RNF212B: variants seen among roughly 807,000 people sequenced by gnomAD.
RNF212B encodes ring finger protein 212B.
A neutral mutation model predicts 55.5 loss-of-function variants in RNF212B; 52 were observed. The ratio of observed to expected loss-of-function variants is 0.94; its 90% CI spans 0.75 to 1.18. RNF212B has a LOEUF of 1.18. Among genes scored for constraint, RNF212B ranks in the 50% most tolerant of loss-of-function variants. The pLI, the probability that RNF212B is intolerant of heterozygous loss-of-function variation, is 0.00. For missense variants in RNF212B, 289 were observed against 350.4 expected (o/e 0.82, Z 1.40); for synonymous variants, 99 against 121.4 (o/e 0.82, Z 1.21).
At chr14:23,191,454 G>A (rs1043301282) in intron 1 of RNF212B, among the ~76,000 whole-genome samples, 6 of 148,664 alleles carry the variant, frequency 4.0e-5, no homozygotes, top group Non-Finnish European at 8.9e-5. Context: ...TTGTTTGTTT[G>A]TTCCTTGTTT....
chr14:23,186,406 G>A (rs1030419848), intron 1 of RNF212B, among the ~76,000 whole-genome samples: 5 of 151,246 alleles, frequency 3.3e-5, no homozygotes, highest in Non-Finnish European at 7.4e-5. Flanking sequence ...GCAGTGGTGC[G>A]ATCTCGGCTC....
intron 1 of RNF212B, among the ~76,000 whole-genome samples, chr14:23,239,700 C>A (rs1261079768): frequency 1.3e-5 from 2 of 151,864 alleles, no homozygotes; most frequent in Non-Finnish European, 2.9e-5. Context: ...CTCACTGCAA[C>A]CTCTGCCTCC....
intron 4 of RNF212B, among the ~76,000 whole-genome samples, chr14:23,246,659 C>T (rs1884003323): frequency 6.6e-6 from 1 of 152,138 alleles, no homozygotes; most frequent in Admixed American, 6.5e-5. Context: ...AACTCCTGGC[C>T]TCAAGCAGTC....
chr14:23,189,433 C>G (rs1877903347), intron 1 of RNF212B, among the ~76,000 whole-genome samples: 1 of 152,148 alleles, frequency 6.6e-6, no homozygotes, highest in East Asian at 1.9e-4. Context: ...ATTCTCTTCT[C>G]TCCTACATCA....
At chr14:23,211,854 C>T (rs570090423) in intron 2 of RNF212B, among the ~76,000 whole-genome samples, 19 of 152,264 alleles carry the variant, frequency 1.2e-4, no homozygotes, top group Admixed American at 9.2e-4. Flanking sequence ...TCCCAAGTAG[C>T]GAGGACTACA....
intron 4 of RNF212B, among the ~76,000 whole-genome samples, chr14:23,247,550 C>T (rs1409831683): frequency 6.6e-6 from 1 of 152,056 alleles, no homozygotes; most frequent in South Asian, 2.1e-4. Context: ...AAGTATAATG[C>T]TCTCAAGTTT....
At chr14:23,187,037 C>T (rs1001434568) in intron 1 of RNF212B, among the ~76,000 whole-genome samples, 2 of 152,142 alleles carry the variant, frequency 1.3e-5, no homozygotes, top group East Asian at 1.9e-4. Context: ...CTGGGCCCCC[C>T]CAACATTTGT....
intron 2 of RNF212B, among the ~76,000 whole-genome samples, chr14:23,208,713 T>C (rs925114153): frequency 1.3e-5 from 2 of 150,092 alleles, no homozygotes; most frequent in Non-Finnish European, 1.5e-5. Flanking sequence ...AATAAAAGAA[T>C]GGCTACTTCA....
intron 4 of RNF212B, among the ~76,000 whole-genome samples, chr14:23,253,119 A>T (rs1884535745): frequency 6.6e-6 from 1 of 152,082 alleles, no homozygotes. Flanking sequence ...ATATTACGTC[A>T]TTTCTATCTG....
intron 2 of RNF212B, among the ~76,000 whole-genome samples, chr14:23,216,879 CAAAA>C (rs59923716): frequency 4.1e-5 from 2 of 48,754 alleles, no homozygotes; most frequent in African/African-American, 8.6e-5. Context: ...GACCCTGTCT[CAAAA>C]AAAAAAAAAA....
At chr14:23,264,787 T>A in intron 11 of RNF212B, 116 bp downstream of exon 11, 1 of 506,328 alleles carries the variant, frequency 2.0e-6, no homozygotes, top group Non-Finnish European at 3.2e-6. Flanking sequence ...TTCCTGACAG[T>A]GATTCCATGT....
At chr14:23,199,856 T>C (rs529334561) in intron 2 of RNF212B, among the ~76,000 whole-genome samples, 112 of 152,204 alleles carry the variant, frequency 7.4e-4, no homozygotes, top group Middle Eastern at 6.8e-3. Context: ...CTCAGTTAGC[T>C]GGGCTTTAAG....
At chr14:23,263,059 AT>A in intron 9 of RNF212B, 89 bp downstream of exon 9, 1 of 1,194,266 alleles carries the variant, frequency 8.4e-7, no homozygotes, top group Non-Finnish European at 1.2e-6. Context: ...GACTGATGAA[AT>A]TTTAGGTCTA....
At chr14:23,202,837 G>C (rs558915592) in intron 2 of RNF212B, among the ~76,000 whole-genome samples, 1 of 143,590 alleles carries the variant, frequency 7.0e-6, no homozygotes, top group African/African-American at 2.7e-5. Flanking sequence ...GCGACAGAGC[G>C]AGACCCTGTC....
At chr14:23,232,451 C>T (rs1293077581) in intron 2 of RNF212B, among the ~76,000 whole-genome samples, 44 of 114,354 alleles carry the variant, frequency 3.8e-4, no homozygotes, top group Middle Eastern at 8.6e-3. Context: ...GCCCGGCAGC[C>T]GCCCCGTCTG....
chr14:23,212,717 G>A (rs1353680391), intron 2 of RNF212B, among the ~76,000 whole-genome samples: 2 of 151,880 alleles, frequency 1.3e-5, no homozygotes, highest in South Asian at 2.1e-4. Context: ...TAATAGAGAT[G>A]GAGTCTTGCT....
intron 2 of RNF212B, among the ~76,000 whole-genome samples, chr14:23,212,682 C>T (rs1054122034): frequency 1.3e-5 from 2 of 151,824 alleles, no homozygotes; most frequent in African/African-American, 2.4e-5. Context: ...CCTGGGTTCA[C>T]ACTATTCTCC....
In RNF212B at chr14:23,198,671, CAA is replaced by C. The variant is rs11352293; in HGVS notation, c.-2+5282_-2+5283del. Among the ~76,000 whole-genome samples, 562 of 144,858 alleles carry C rather than the reference CAA, an allele frequency of 3.9e-3. 1 individual carries two copies. The highest frequency in any genetic ancestry group is 4.2e-3 in the African/African-American group (168 of 39,604). On this transcript the variant is annotated intron_variant, in intron 2 of 15. Coordinates refer to the RNF212B transcript ENST00000399910. ...AGCCTGAGAACAAGAAAACTCTGTC[CAA>C]AAAAAAAAAAAGGTCCACGTACTGT...
chr14:23,266,404 GTT>G (rs57731750), intron 11 of RNF212B, among the ~76,000 whole-genome samples: 6 of 46,886 alleles, frequency 1.3e-4, no homozygotes, highest in East Asian at 1.1e-3. Context: ...CCTTTTAAAT[GTT>G]TTTTTTTTTT....
Sources: allele counts gnomAD v4.1 joint callset (sites outside exome capture counted in the v4.1 genomes callset), GRCh38; gene constraint gnomAD v4.1.1; transcripts MANE v1.5; gene names NCBI Gene and HGNC (gene_info 2026-07-23, HGNC 2026-07-21).